GRIN2A: variants seen among roughly 807,000 people sequenced by gnomAD.
GRIN2A encodes the protein glutamate receptor ionotropic, NMDA 2A.
A neutral mutation model predicts 113.4 loss-of-function variants in GRIN2A; 22 were observed. The ratio of observed to expected loss-of-function variants is 0.19; its 90% confidence interval spans 0.14 to 0.28. The LOEUF (loss-of-function observed/expected upper bound fraction) is 0.28, where lower values mean the gene tolerates loss of function less well. Ranked by LOEUF, GRIN2A falls within the 10% of genes least tolerant of loss-of-function variation. The pLI, the probability that GRIN2A is intolerant of heterozygous loss-of-function variation, is 1.00. For synonymous variants in GRIN2A, 827 were observed against 738.4 expected (o/e 1.12, Z -1.94); for missense variants, 1,502 against 1,887.0 (o/e 0.80, Z 3.78).
At chr16:10,015,252 C>CAAAAAA (rs200124835) in intron 2 of GRIN2A, among the ~76,000 whole-genome samples, 4,532 of 19,148 alleles carry the variant, frequency 0.24, 1,054 homozygotes, top group Non-Finnish European at 0.32. Flanking sequence ...GACTTCATCT[C>CAAAAAA]AAAAAAAAAA....
At chr16:9,881,923 C>T (rs531824351) in intron 4 of GRIN2A, among the ~76,000 whole-genome samples, 1 of 152,306 alleles carries the variant, frequency 6.6e-6, no homozygotes, top group African/African-American at 2.4e-5. Context: ...AATTTTTCTC[C>T]ATGATTTCTT....
At chr16:9,811,014 A>T (rs2042076676) in intron 10 of GRIN2A, among the ~76,000 whole-genome samples, 1 of 152,168 alleles carries the variant, frequency 6.6e-6, no homozygotes, top group Non-Finnish European at 1.5e-5. Flanking sequence ...AGGAAAACTC[A>T]CTTCTCCCTG....
At chr16:10,173,644 G>A (rs1017377333) in intron 2 of GRIN2A, among the ~76,000 whole-genome samples, 10 of 152,142 alleles carry the variant, frequency 6.6e-5, no homozygotes, top group African/African-American at 2.2e-4. Flanking sequence ...AAACGCAAAG[G>A]GCAGGACAAG....
chr16:10,098,525 T>C (rs1378272780), intron 2 of GRIN2A, among the ~76,000 whole-genome samples: 1 of 152,046 alleles, frequency 6.6e-6, no homozygotes, highest in Non-Finnish European at 1.5e-5. Context: ...GCAGCACAAT[T>C]CACAAATGCA....
chr16:9,879,243 AG>A (rs1348896946), intron 4 of GRIN2A, among the ~76,000 whole-genome samples: 1 of 152,220 alleles, frequency 6.6e-6, no homozygotes, highest in Non-Finnish European at 1.5e-5. Context: ...TTTTATAAAA[AG>A]GAACTTGACT....
intron 2 of GRIN2A, among the ~76,000 whole-genome samples, chr16:10,027,397 G>T (rs145080352): frequency 1.6e-4 from 25 of 152,252 alleles, no homozygotes; most frequent in East Asian, 1.3e-3. Context: ...TCCAAGGAAC[G>T]TTCATCCTGC....
At chr16:9,853,379 G>C (rs2042917072) in intron 4 of GRIN2A, among the ~76,000 whole-genome samples, 1 of 152,176 alleles carries the variant, frequency 6.6e-6, no homozygotes, top group Non-Finnish European at 1.5e-5. Context: ...GAGCCCTCAT[G>C]AATGGGGTTA....
intron 7 of GRIN2A, 31 bp from the exon 8 acceptor site, chr16:9,834,261 G>A (rs779560128): frequency 9.9e-6 from 16 of 1,612,460 alleles, no homozygotes; most frequent in Admixed American, 8.3e-5. Flanking sequence ...GAATGGAAAC[G>A]TGGTTAGTTA....
chr16:9,764,849 G>T lies in GRIN2A; in HGVS notation c.2695C>A (p.Arg899=), dbSNP rs796052553. ...ATGCTGGAAATGTTTTTGGCTGACC[G>T]GAGGAGTTTTAACATGTTGCTCTGG... is the stretch of plus-strand genomic sequence containing the variant. ...GSQSNMLKLL[R]SAKNISSMSN... The change falls in exon 13 of 13, where the codon CGG becomes AGG. Residue 899 remains arginine (R), a synonymous_variant. Transcript: ENST00000330684. The T allele has an allele frequency of 2.5e-6, 4 of 1,614,164 alleles. No homozygotes were observed. The highest frequency in any genetic ancestry group is 3.4e-6 in the Non-Finnish European group (4 of 1,180,022).
chr16:9,972,439 G>T, intron 2 of GRIN2A, among the ~76,000 whole-genome samples: 1 of 152,218 alleles, frequency 6.6e-6, no homozygotes, highest in East Asian at 1.9e-4. Context: ...CTCAAGGAAA[G>T]AAGACAATCA....
chr16:10,144,848 G>A (rs1032564779), intron 2 of GRIN2A, among the ~76,000 whole-genome samples: 1 of 149,536 alleles, frequency 6.7e-6, no homozygotes, highest in Non-Finnish European at 1.5e-5. Context: ...TTGTACCCAG[G>A]AGGCGGAGAC....
At chr16:9,998,948 G>T (rs1416656806) in intron 2 of GRIN2A, among the ~76,000 whole-genome samples, 2 of 152,114 alleles carry the variant, frequency 1.3e-5, no homozygotes, top group Admixed American at 6.6e-5. Flanking sequence ...GCGGGTAGGG[G>T]GTGTGGAATA....
At chr16:9,817,315 G>T (rs1242631451) in intron 10 of GRIN2A, among the ~76,000 whole-genome samples, 1 of 152,164 alleles carries the variant, frequency 6.6e-6, no homozygotes, top group Non-Finnish European at 1.5e-5. Flanking sequence ...GTGCTGCGGG[G>T]AATGATGCTT....
chr16:9,861,086 C>T (rs1044107180), intron 4 of GRIN2A, among the ~76,000 whole-genome samples: 1 of 152,202 alleles, frequency 6.6e-6, no homozygotes, highest in African/African-American at 2.4e-5. Context: ...AAGCAGAGTT[C>T]AGGCTGCCTG....
At chr16:9,988,740 G>C (rs2046037176) in intron 2 of GRIN2A, among the ~76,000 whole-genome samples, 1 of 152,090 alleles carries the variant, frequency 6.6e-6, no homozygotes, top group Non-Finnish European at 1.5e-5. Flanking sequence ...GGTTGAGATG[G>C]TTAGAACCAA....
chr16:9,801,295 T>C (rs1903346892), intron 10 of GRIN2A, among the ~76,000 whole-genome samples: 1 of 152,216 alleles, frequency 6.6e-6, no homozygotes, highest in Non-Finnish European at 1.5e-5. Flanking sequence ...AGAAACTTGG[T>C]TTTATTTAGA....
In GRIN2A at chr16:10,070,187, G is replaced by C. The variant is rs143752510; in HGVS notation, c.414+109811C>G. Reference sequence around the variant, plus strand: ...AGCCCTTCCCTGGACATGGGTCCCCGAGATGCCAGCAATGTTTTCTAGGTG... The same window carrying C: ...AGCCCTTCCCTGGACATGGGTCCCCCAGATGCCAGCAATGTTTTCTAGGTG... On this transcript the variant is annotated intron_variant, in intron 2 of 12. Transcript: ENST00000330684. 6.9e-3 allele frequency among the ~76,000 whole-genome samples: 1,054 copies of C among 152,224 alleles called. 5 individuals are homozygous for C. Among genetic ancestry groups the C allele is most frequent in the Middle Eastern group, 0.017 (5 of 294 alleles).
At chr16:9,890,904 T>G in intron 4 of GRIN2A, 82 bp downstream of exon 4, 1 of 870,586 alleles carries the variant, frequency 1.1e-6, no homozygotes, top group Non-Finnish European at 2.0e-6. Context: ...AGGAAATGCG[T>G]GGGAGAAAGA....
At chr16:9,787,689 CCTT>C (rs1902314282) in intron 11 of GRIN2A, among the ~76,000 whole-genome samples, 1 of 152,186 alleles carries the variant, frequency 6.6e-6, no homozygotes, top group South Asian at 2.1e-4. Context: ...ATGTAGTTAT[CCTT>C]CTCGTGTTAC....
Sources: allele counts gnomAD v4.1 joint callset (sites outside exome capture counted in the v4.1 genomes callset), GRCh38; gene constraint gnomAD v4.1.1; transcripts MANE v1.5; gene names NCBI Gene and HGNC (gene_info 2026-07-23, HGNC 2026-07-21).